TRPC4AP: variants seen among roughly 807,000 people sequenced by gnomAD.
The protein encoded by TRPC4AP is transient receptor potential cation channel subfamily C member 4 associated protein.
Under a neutral mutation model 99.0 loss-of-function variants are expected in TRPC4AP, and 45 were observed. That is an observed-to-expected ratio of 0.45 (90% CI 0.36 to 0.58). The LOEUF is 0.58. TRPC4AP is among the 20% of genes least tolerant of loss of function. TRPC4AP has a pLI of 0.00. For missense variants in TRPC4AP, 879 were observed against 985.3 expected (o/e 0.89, Z 1.44); for synonymous variants, 408 against 385.8 (o/e 1.06, Z -0.67).
rs762752638 is a variant in TRPC4AP, at chr20:35,010,276, C to A, written c.1422G>T (p.Leu474Phe). 6.2e-7 allele frequency: 1 copy of A among 1,614,144 alleles called. No individual in the cohort carries two copies. Residue 474 changes from leucine (L) to phenylalanine (F), a missense_variant, in exon 12 of 19, where the codon TTG becomes TTT. By Grantham distance (22) the Leu-to-Phe change is conservative. Coordinates refer to ENST00000252015, the MANE Select transcript of TRPC4AP (RefSeq NM_015638.3). ...SFSDHHENKY[L>F]LLNNQELNEL... ...CATTCAGCTCCTGGTTGTTGAGTAA[C>A]AAGTACTTGTTCCTGAAACAAAATG...
At chr20:35,079,448 T>C (rs980171563) in intron 1 of TRPC4AP, among the ~76,000 whole-genome samples, 7 of 152,158 alleles carry the variant, frequency 4.6e-5, no homozygotes, top group Non-Finnish European at 7.4e-5. Flanking sequence ...GAAATATCTA[T>C]AGTCAATAAT....
intron 7 of TRPC4AP, among the ~76,000 whole-genome samples, chr20:35,041,254 A>G (rs2083440868): frequency 6.9e-6 from 1 of 145,858 alleles, no homozygotes; most frequent in South Asian, 2.2e-4. Flanking sequence ...TTCAAGAATG[A>G]TAACATTCAG....
chr20:35,036,034 A>C (rs2083308683), intron 7 of TRPC4AP, among the ~76,000 whole-genome samples: 2 of 151,642 alleles, frequency 1.3e-5, no homozygotes, highest in African/African-American at 4.9e-5. Context: ...ATGAAAGATA[A>C]ACATTTTTTT....
chr20:35,084,320 A>C (rs6120827), intron 1 of TRPC4AP, among the ~76,000 whole-genome samples: 2 of 151,564 alleles, frequency 1.3e-5, no homozygotes, highest in Non-Finnish European at 2.9e-5. Context: ...GATGCATTAT[A>C]CCTGACTTCA....
In TRPC4AP at chr20:35,016,082, T is replaced by G; in HGVS notation, c.1276A>C (p.Lys426Gln). The G allele has an allele frequency of 6.2e-7, 1 of 1,614,164 alleles. No individual in the cohort carries two copies. The highest frequency in any genetic ancestry group is 8.5e-7 in the Non-Finnish European group (1 of 1,180,032). The change falls in exon 10 of 19, where the codon AAA becomes CAA. Residue 426 changes from lysine to glutamine, a missense_variant. This residue lies in a region of TRPC4AP where 603 missense variants were observed against 631.8 expected (regional missense o/e 0.95). Transcript: ENST00000252015. The stretch of plus-strand genomic sequence containing the variant: ...GCTGAATGCTTCCTCCAAATCAGTT[T>G]GTCAAACAAATTATTAAGTCCAGGG... Reference protein sequence around the residue: ...LIPGLNNLFDKLIWRKHSASA... With the variant: ...LIPGLNNLFDQLIWRKHSASA...
At chr20:35,008,511 TACACAAGATG>T (rs2147267883) in intron 13 of TRPC4AP, 143 bp downstream of exon 13, 1 of 666,868 alleles carries the variant, frequency 1.5e-6, no homozygotes, top group East Asian at 2.6e-5. Context: ...GAGTCAAAAC[TACACAAGATG>T]GCAGTCAAAC....
chr20:35,049,926 T>C lies in TRPC4AP; in HGVS notation c.597A>G (p.Thr199=). 1.2e-6 allele frequency: 2 copies of C among 1,614,152 alleles called. No homozygotes were observed. Among genetic ancestry groups the C allele is most frequent in the South Asian group, 1.1e-5 (1 of 91,068 alleles). ...DFVIFLFTLM[T]SKKTFLQTAT... The stretch of plus-strand genomic sequence containing the variant: ...CTGTTTGTAAGAATGTCTTCTTACT[T>C]GTCATCAATGTAAACAGGAAGATCA... Residue 199 remains threonine, a synonymous_variant, in exon 6 of 19, where the codon ACA becomes ACG. Coordinates refer to ENST00000252015, the MANE Select transcript of TRPC4AP (RefSeq NM_015638.3).
At chr20:35,027,475 G>A (rs2083061104) in intron 8 of TRPC4AP, among the ~76,000 whole-genome samples, 1 of 152,182 alleles carries the variant, frequency 6.6e-6, no homozygotes, top group Non-Finnish European at 1.5e-5. Flanking sequence ...ATAATCATAA[G>A]AGATACTGGT....
At chr20:35,090,430 G>T (rs2085024273) in intron 1 of TRPC4AP, among the ~76,000 whole-genome samples, 1 of 132,458 alleles carries the variant, frequency 7.5e-6, no homozygotes, top group South Asian at 2.4e-4. Context: ...AGGCTGGAGT[G>T]CAGTGGCGTG....
At position 35,013,000 on chromosome 20, in the gene TRPC4AP, G is replaced by C. The variant is rs745897264; in HGVS notation, c.1409+8C>G. On this transcript the variant is annotated splice_region_variant and intron_variant, in intron 11 of 18. Coordinates refer to ENST00000252015, the MANE Select transcript of TRPC4AP (RefSeq NM_015638.3). ...CAACTCTCCTTGCAGGGACACTCTT[G>C]TACTTACTCGTGGTGGTCACTGAAG... The C allele has an allele frequency of 1.2e-6, 2 of 1,614,048 alleles. No individual in the cohort carries two copies. Among genetic ancestry groups the C allele is most frequent in the Admixed American group, 3.3e-5 (2 of 60,012 alleles).
intron 8 of TRPC4AP, among the ~76,000 whole-genome samples, chr20:35,027,667 C>A (rs1600540122): frequency 6.6e-6 from 1 of 152,078 alleles, no homozygotes; most frequent in Non-Finnish European, 1.5e-5. Flanking sequence ...TCTTTGTGGG[C>A]AGTTTTTCAT....
At chr20:35,086,485 GTATATATA>G (rs151331360) in intron 1 of TRPC4AP, among the ~76,000 whole-genome samples, 3 of 125,158 alleles carry the variant, frequency 2.4e-5, no homozygotes, top group Admixed American at 7.9e-5. Context: ...GTATGTGTGT[GTATATATA>G]TATGTGTATA....
intron 3 of TRPC4AP, among the ~76,000 whole-genome samples, chr20:35,059,819 A>G (rs1471840170): frequency 1.3e-5 from 2 of 150,460 alleles, no homozygotes; most frequent in Admixed American, 1.3e-4. Flanking sequence ...AAAGATGAAG[A>G]CGAAGAAGAT....
chr20:35,041,124 G>C (rs2083437596), intron 7 of TRPC4AP, among the ~76,000 whole-genome samples: 1 of 125,100 alleles, frequency 8.0e-6, no homozygotes, highest in Non-Finnish European at 1.8e-5. Context: ...CTAGCCTCCA[G>C]AACTGTGAGA....
At chr20:35,071,926 C>G (rs113929036) in intron 2 of TRPC4AP, among the ~76,000 whole-genome samples, 27 of 152,206 alleles carry the variant, frequency 1.8e-4, no homozygotes, top group African/African-American at 5.8e-4. Flanking sequence ...TCCTATTTCT[C>G]CACATCCTCT....
intron 1 of TRPC4AP, among the ~76,000 whole-genome samples, chr20:35,080,791 C>T (rs1487589404): frequency 9.0e-6 from 1 of 111,216 alleles, no homozygotes; most frequent in Non-Finnish European, 1.8e-5. Flanking sequence ...AAACCACTGA[C>T]TTGTACACTT....
chr20:35,084,199 G>T (rs938343075), intron 1 of TRPC4AP, among the ~76,000 whole-genome samples: 1 of 151,492 alleles, frequency 6.6e-6, no homozygotes, highest in African/African-American at 2.4e-5. Context: ...CTACTCGGGG[G>T]GCATAGGTTG....
At chr20:35,028,403 C>G (rs1042359872) in intron 8 of TRPC4AP, among the ~76,000 whole-genome samples, 1 of 151,896 alleles carries the variant, frequency 6.6e-6, no homozygotes, top group African/African-American at 2.4e-5. Flanking sequence ...CAAGACACTT[C>G]CTAATTTTGT....
At chr20:35,071,261 TTTTTA>T (rs1462655738) in intron 2 of TRPC4AP, among the ~76,000 whole-genome samples, 1 of 151,968 alleles carries the variant, frequency 6.6e-6, no homozygotes, top group African/African-American at 2.4e-5. Flanking sequence ...ACTTACATGG[TTTTTA>T]TTTATTTATT....
Sources: allele counts gnomAD v4.1 joint callset (sites outside exome capture counted in the v4.1 genomes callset), GRCh38; gene constraint gnomAD v4.1.1; regional missense constraint gnomAD v4.1.1; transcripts MANE v1.5; gene names NCBI Gene and HGNC (gene_info 2026-07-23, HGNC 2026-07-21).